TNKS2: variants seen among roughly 807,000 people sequenced by gnomAD.
The protein encoded by TNKS2 is tankyrase 2, also known as poly [ADP-ribose] polymerase tankyrase-2.
A neutral mutation model predicts 137.6 loss-of-function variants in TNKS2; 72 were observed. The ratio of observed to expected loss-of-function variants is 0.52; its 90% CI spans 0.43 to 0.64. The LOEUF (loss-of-function observed/expected upper bound fraction) is 0.64. Ranked by LOEUF, TNKS2 falls within the 30% of genes least tolerant of loss-of-function variation. TNKS2 has a pLI of 0.00. For missense variants in TNKS2, 1,049 were observed against 1,410.2 expected (o/e 0.74, Z 4.10); for synonymous variants, 516 against 512.1 (o/e 1.01, Z -0.10).
chr10:91,820,949 C>A (rs968288393), intron 6 of TNKS2, among the ~76,000 whole-genome samples: 1 of 152,172 alleles, frequency 6.6e-6, no homozygotes, highest in Non-Finnish European at 1.5e-5. Context: ...GATACACATA[C>A]GAAATACAGG....
At chr10:91,803,547 G>A (rs1383962481) in intron 1 of TNKS2, among the ~76,000 whole-genome samples, 1 of 152,196 alleles carries the variant, frequency 6.6e-6, no homozygotes, top group Non-Finnish European at 1.5e-5. Flanking sequence ...GGAGGCTAAG[G>A]TTAGAGGATT....
chr10:91,831,658 T>A (rs1233112439), intron 11 of TNKS2, among the ~76,000 whole-genome samples: 1 of 152,232 alleles, frequency 6.6e-6, no homozygotes, highest in Non-Finnish European at 1.5e-5. Flanking sequence ...CTCCCCATGT[T>A]GGTAAGTTAC....
Position 91,819,571 on chromosome 10 carries a change from C to A in TNKS2, c.633+14C>A. 1 of 1,567,040 alleles carries A rather than the reference C, an allele frequency of 6.4e-7. No homozygotes were observed. The highest frequency in any genetic ancestry group is 8.6e-7 in the Non-Finnish European group (1 of 1,161,160). On this transcript the variant is annotated intron_variant, in intron 5 of 26. Transcript: ENST00000371627. ...GATGGCAGAAAGGTACTTCCTTTTG[C>A]AACTGAGTTTGTGCTTATCTCCTGG...
chr10:91,835,999 CCG>C (rs1842001596), intron 12 of TNKS2, among the ~76,000 whole-genome samples: 1 of 90,322 alleles, frequency 1.1e-5, no homozygotes, highest in African/African-American at 4.7e-5. Context: ...CATAAGAATA[CCG>C]TGTGTGTGTG....
At position 91,857,508 on chromosome 10, in the gene TNKS2, C is replaced by A. The variant is rs772604315; in HGVS notation, c.3072C>A (p.Ala1024=). The change falls in exon 24 of 27, where the codon GCC becomes GCA. Residue 1024 remains alanine, a synonymous_variant. Coordinates refer to ENST00000371627, the MANE Select transcript of TNKS2 (RefSeq NM_025235.4). The stretch of plus-strand genomic sequence containing the variant: ...TTTCTGAAGAAAACCACAACCATGC[C>A]AATGAACGAATGCTATTTCATGGTA... ...KEVSEENHNH[A]NERMLFHGSP... 1 of 1,610,538 alleles carries A rather than the reference C, an allele frequency of 6.2e-7. No individual in the cohort carries two copies. Among genetic ancestry groups the A allele is most frequent in the South Asian group, 1.1e-5 (1 of 90,672 alleles).
chr10:91,862,577 C>T (rs1842878787), intron 26 of TNKS2, among the ~76,000 whole-genome samples: 1 of 152,106 alleles, frequency 6.6e-6, no homozygotes, highest in South Asian at 2.1e-4. Context: ...TTGTATTTAA[C>T]AGCCTGTCCA....
Position 91,822,380 on chromosome 10 carries a change from C to G in TNKS2, c.795+18C>G, listed in dbSNP as rs191112698. Reference sequence around the variant, plus strand: ...TGGTCAAGGTTAGTGCTCTTGTACTCTCCTAATTACTTTCTAGAGTTATAT... The same window carrying G: ...TGGTCAAGGTTAGTGCTCTTGTACTGTCCTAATTACTTTCTAGAGTTATAT... On this transcript the variant is annotated intron_variant, in intron 7 of 26. Coordinates refer to ENST00000371627, the MANE Select transcript of TNKS2 (RefSeq NM_025235.4). 1.9e-6 allele frequency: 3 copies of G among 1,574,002 alleles called. No homozygotes were observed. Among genetic ancestry groups the G allele is most frequent in the Middle Eastern group, 1.7e-4 (1 of 5,988 alleles).
At chr10:91,862,532 C>T (rs1292413594) in intron 26 of TNKS2, among the ~76,000 whole-genome samples, 1 of 151,960 alleles carries the variant, frequency 6.6e-6, no homozygotes, top group Non-Finnish European at 1.5e-5. Flanking sequence ...CCAGTCGTTC[C>T]GGATTTTTCT....
intron 3 of TNKS2, 84 bp from the exon 4 acceptor site, chr10:91,819,186 T>C: frequency 1.3e-6 from 1 of 779,182 alleles, no homozygotes. Context: ...TTATCTACTT[T>C]ATAATTCATT....
rs373691075 is a variant in TNKS2, at chr10:91,851,164, A to C, written c.2695-52A>C. On this transcript the variant is annotated intron_variant, in intron 20 of 26. Coordinates refer to ENST00000371627, the MANE Select transcript of TNKS2 (RefSeq NM_025235.4). The stretch of plus-strand genomic sequence containing the variant: ...CATATTATGAAAACACCAATATATG[A>C]ATGTCCACCAAATAAGTAAGCATTC... 2.9e-5 allele frequency: 46 copies of C among 1,599,036 alleles called. No individual in the cohort carries two copies. The African/African-American group carries it at 4.3e-4, about 15-fold the overall frequency.
chr10:91,809,033 TGTATGA>T (rs369937129), intron 1 of TNKS2, among the ~76,000 whole-genome samples: 22 of 152,252 alleles, frequency 1.4e-4, no homozygotes, highest in Middle Eastern at 6.8e-3. Flanking sequence ...AACCTAACTA[TGTATGA>T]GAATGGAACT....
At chr10:91,816,191 G>A (rs1844691160) in intron 2 of TNKS2, among the ~76,000 whole-genome samples, 3 of 151,872 alleles carry the variant, frequency 2.0e-5, no homozygotes, top group African/African-American at 7.3e-5. Flanking sequence ...CTCATGATCT[G>A]CCCGCCTCGG....
chr10:91,810,786 G>T (rs1844471083), intron 1 of TNKS2, among the ~76,000 whole-genome samples: 1 of 151,640 alleles, frequency 6.6e-6, no homozygotes, highest in African/African-American at 2.4e-5. Flanking sequence ...GGGATTACAG[G>T]CATGAGCCAC....
intron 2 of TNKS2, among the ~76,000 whole-genome samples, chr10:91,814,282 G>A (rs1844601787): frequency 6.6e-6 from 1 of 152,096 alleles, no homozygotes; most frequent in African/African-American, 2.4e-5. Context: ...TTTTTGAATA[G>A]AGAAAAGCTT....
At position 91,857,452 on chromosome 10, in the gene TNKS2, T is replaced by C; in HGVS notation, c.3016T>C (p.Trp1006Arg). 3 of 1,609,456 alleles carry C rather than the reference T, an allele frequency of 1.9e-6. No homozygotes were observed. Among genetic ancestry groups the C allele is most frequent in the Non-Finnish European group, 2.5e-6 (3 of 1,177,232 alleles). The change falls in exon 24 of 27, where the codon TGG (tryptophan) becomes CGG (arginine). Residue 1006 changes from tryptophan (W) to arginine (R), a missense_variant. By Grantham distance (101) the Trp-to-Arg change is moderately radical. Around this residue, in one of 6 missense-constraint regions of TNKS2, gnomAD observed 133 missense variants for 248.4 expected, o/e 0.54. Transcript: ENST00000371627. ...KIQKVCNKKL[W>R]ERYTHRRKEV... is the part of the protein sequence containing the mutation. ...TCAGAAGGTTTGTAACAAGAAACTATGGGAAAGATACACTCACCGGAGAAA... is the reference window on the plus strand; with the variant it reads ...TCAGAAGGTTTGTAACAAGAAACTACGGGAAAGATACACTCACCGGAGAAA...
At chr10:91,825,844 A>T (rs1455469382) in intron 7 of TNKS2, among the ~76,000 whole-genome samples, 1 of 152,276 alleles carries the variant, frequency 6.6e-6, no homozygotes, top group Non-Finnish European at 1.5e-5. Flanking sequence ...AAACGTTGCC[A>T]CGTAGCAGTG....
At chr10:91,826,871 G>A in intron 7 of TNKS2, 146 bp from the exon 8 acceptor site, 1 of 706,410 alleles carries the variant, frequency 1.4e-6, no homozygotes, top group Non-Finnish European at 2.0e-6. Flanking sequence ...TGGGAAAAAT[G>A]TATACTCATT....
intron 1 of TNKS2, among the ~76,000 whole-genome samples, chr10:91,803,237 G>A (rs1414464100): frequency 1.3e-5 from 2 of 152,130 alleles, no homozygotes; most frequent in Non-Finnish European, 2.9e-5. Context: ...ATGAGGCCCG[G>A]GCACAGTGCC....
intron 8 of TNKS2, 76 bp from the exon 9 acceptor site, chr10:91,828,209 A>G: frequency 1.5e-6 from 2 of 1,347,800 alleles, no homozygotes; most frequent in Admixed American, 3.3e-5. Flanking sequence ...AATTTCAAGG[A>G]AAATACTAGA....
Sources: gnomAD v4.1 joint callset for allele counts (sites outside exome capture counted in the v4.1 genomes callset) on GRCh38, gnomAD v4.1.1 for gene constraint, gnomAD v4.1.1 regional missense constraint, MANE v1.5 for transcripts, NCBI Gene and HGNC (gene_info 2026-07-23, HGNC 2026-07-21) for gene names.